The following STRN variants were observed in gnomAD, a reference collection of about 807,000 sequenced individuals.
The protein encoded by STRN is striatin, also known as protein phosphatase 2 regulatory subunit B'''alpha.
In STRN, 53 loss-of-function variants were observed where a neutral mutation model predicts 96.3. That is an observed-to-expected ratio of 0.55 (90% confidence interval 0.44 to 0.69). The LOEUF is 0.69. Ranked by LOEUF, STRN falls within the 30% of genes least tolerant of loss-of-function variation. The probability of loss-of-function intolerance (pLI) is 0.00; values close to 1 mark genes in which losing one functional copy is unlikely to be tolerated. For synonymous variants in STRN, 428 were observed against 355.9 expected, an observed-to-expected ratio of 1.20 and a Z score of -2.28; for missense variants, 987 against 963.9, an observed-to-expected ratio of 1.02 and a Z score of -0.32.
At chr2:36,921,798 C>T (rs184515993) in intron 2 of STRN, among the ~76,000 whole-genome samples, 1 of 152,008 alleles carries the variant, frequency 6.6e-6, no homozygotes, top group African/African-American at 2.4e-5. Flanking sequence ...TTCCAGTCCA[C>T]CCCCACACTG....
intron 3 of STRN, among the ~76,000 whole-genome samples, chr2:36,910,452 A>G (rs1326734736): frequency 6.6e-6 from 1 of 152,208 alleles, no homozygotes; most frequent in Non-Finnish European, 1.5e-5. Context: ...ACAATAGCAC[A>G]AAGACTGGGA....
At chr2:36,908,357 C>G (rs80126504) in intron 3 of STRN, among the ~76,000 whole-genome samples, 2,496 of 152,164 alleles carry the variant, frequency 0.016, 70 homozygotes, top group African/African-American at 0.057. Context: ...TCAAGAAGAA[C>G]AAGGAATGAA....
intron 13 of STRN, among the ~76,000 whole-genome samples, chr2:36,858,849 AACAG>A (rs1318221223): frequency 1.3e-5 from 2 of 152,226 alleles, no homozygotes; most frequent in African/African-American, 2.4e-5. Flanking sequence ...CCCAGTCCTC[AACAG>A]ACAATGTTGA....
At chr2:36,888,826 G>A (rs1283418391) in intron 7 of STRN, among the ~76,000 whole-genome samples, 1 of 151,996 alleles carries the variant, frequency 6.6e-6, no homozygotes, top group African/African-American at 2.4e-5. Flanking sequence ...GACAACAGGT[G>A]TGTACCACCA....
intron 13 of STRN, among the ~76,000 whole-genome samples, chr2:36,860,548 A>C (rs1420459722): frequency 1.3e-5 from 2 of 152,242 alleles, no homozygotes; most frequent in African/African-American, 4.8e-5. Context: ...CTTAACAGAA[A>C]ACCAAAATAC....
chr2:36,858,095 A>G, intron 13 of STRN, 72 bp from the exon 14 acceptor site: 1 of 1,315,980 alleles, frequency 7.6e-7, no homozygotes, highest in Non-Finnish European at 1.0e-6. Flanking sequence ...CAGAGAAAGT[A>G]AAATATATAA....
At chr2:36,956,259 C>A (rs1416901229) in intron 1 of STRN, among the ~76,000 whole-genome samples, 4 of 152,214 alleles carry the variant, frequency 2.6e-5, no homozygotes, top group South Asian at 2.1e-4. Context: ...AAACCACTTA[C>A]TGGACACCCA....
intron 1 of STRN, among the ~76,000 whole-genome samples, chr2:36,955,547 T>C (rs918367313): frequency 2.0e-5 from 3 of 152,188 alleles, no homozygotes; most frequent in East Asian, 1.9e-4. Context: ...GCCTCTGCTC[T>C]TTCCACCCCT....
At position 36,939,307 on chromosome 2, in the gene STRN, C is replaced by G. The variant is rs1199435619; in HGVS notation, c.235-14099G>C. On this transcript the variant is annotated intron_variant, in intron 1 of 17. Transcript: ENST00000263918. ...TTTTTCCGAAGCCACTCAGGGATCTCCCGTTGCTTTTACAGACCAATTACC... is the reference window on the plus strand; with the variant it reads ...TTTTTCCGAAGCCACTCAGGGATCTGCCGTTGCTTTTACAGACCAATTACC... 3.3e-5 allele frequency among the ~76,000 whole-genome samples: 5 copies of G among 152,092 alleles called. No individual in the cohort carries two copies. The East Asian group carries it at 5.8e-4, about 18-fold the overall frequency.
chr2:36,904,809 C>G (rs1434997477), intron 4 of STRN, among the ~76,000 whole-genome samples: 1 of 152,070 alleles, frequency 6.6e-6, no homozygotes, highest in Non-Finnish European at 1.5e-5. Flanking sequence ...GCCTGAGCGA[C>G]AGAGTGAGAC....
Position 36,843,358 on chromosome 2 carries a change from G to T in STRN, c.*6098C>A, listed in dbSNP as rs1667992833. 6.6e-6 allele frequency among the ~76,000 whole-genome samples: 1 copy of T among 152,148 alleles called. No individual in the cohort carries two copies. Among genetic ancestry groups the T allele is most frequent in the African/African-American group, 2.4e-5 (1 of 41,436 alleles). ...AGGCCTTGAAAAATAATGTTGATTT[G>T]AAGGGGCAGGGAGTGTGGAAGGCTT... On this transcript the variant is annotated 3_prime_UTR_variant, in exon 18 of 18. Transcript: ENST00000263918.
At chr2:36,860,351 T>C (rs1186624070) in intron 13 of STRN, among the ~76,000 whole-genome samples, 2 of 152,138 alleles carry the variant, frequency 1.3e-5, no homozygotes. Context: ...AGATAACTTA[T>C]AAGAGAATTA....
chr2:36,958,437 G>C (rs1042473477), intron 1 of STRN, among the ~76,000 whole-genome samples: 3 of 152,138 alleles, frequency 2.0e-5, no homozygotes, highest in Non-Finnish European at 4.4e-5. Flanking sequence ...GCAGAGAACA[G>C]AACAATATTT....
In STRN at chr2:36,845,884, AACACACACACACACACAC is replaced by A. The variant is rs10539790; in HGVS notation, c.*3554_*3571del. 1 of 120,830 alleles carries A rather than the reference AACACACACACACACACAC, an allele frequency of 8.3e-6. No individual in the cohort carries two copies. The highest frequency in any genetic ancestry group is 1.7e-5 in the Non-Finnish European group (1 of 57,718). 7.5% of individuals were successfully genotyped at this position (120,830 alleles called of 1,614,324 possible). On this transcript the variant is annotated 3_prime_UTR_variant, in exon 18 of 18. Coordinates refer to ENST00000263918, the MANE Select transcript of STRN (RefSeq NM_003162.4). The stretch of plus-strand genomic sequence containing the variant: ...AAATCAGGACCTTCACAGATTGGTA[AACACACACACACACACAC>A]ACACGCATGCATGCACACACACACA...
intron 15 of STRN, among the ~76,000 whole-genome samples, chr2:36,851,632 T>C (rs1306030116): frequency 6.6e-6 from 1 of 152,250 alleles, no homozygotes; most frequent in African/African-American, 2.4e-5. Context: ...AAATTACAAT[T>C]TCCTGCTATA....
At chr2:36,861,008 A>G (rs1668465804) in intron 13 of STRN, 124 bp downstream of exon 13, 1 of 1,166,546 alleles carries the variant, frequency 8.6e-7, no homozygotes, top group South Asian at 1.8e-5. Context: ...TTAACAAAAT[A>G]AAGATGTGGT....
intron 9 of STRN, among the ~76,000 whole-genome samples, chr2:36,880,025 G>C (rs1387911629): frequency 1.3e-5 from 2 of 151,960 alleles, no homozygotes; most frequent in South Asian, 4.2e-4. Context: ...GGAGTGCAGT[G>C]GTGTGATCTC....
At position 36,844,951 on chromosome 2, in the gene STRN, G is replaced by A. The variant is rs1038062771; in HGVS notation, c.*4505C>T. ...CATATTTTTCGTCAGCTACTACTTT[G>A]TATACAACCTGAATCCCAGTGTCCA... is the stretch of plus-strand genomic sequence containing the variant. On this transcript the variant is annotated 3_prime_UTR_variant, in exon 18 of 18. Transcript: ENST00000263918. 6 of 152,018 alleles carry A rather than the reference G, an allele frequency of 3.9e-5. No individual in the cohort carries two copies. The highest frequency in any genetic ancestry group is 1.4e-4 in the African/African-American group (6 of 41,388). The allele number at this position is 152,018 out of a possible 1,614,324, so 9.4% of individuals were successfully genotyped here. A position where few individuals can be genotyped will look rare whatever the true frequency, so the allele number is the denominator to read the frequency against.
At chr2:36,899,492 A>G (rs749525666) in intron 6 of STRN, 31 bp downstream of exon 6, 1 of 1,588,546 alleles carries the variant, frequency 6.3e-7, no homozygotes, top group Admixed American at 1.9e-5. Flanking sequence ...GTCCCTAAAA[A>G]TATTTATATT....
Sources: allele counts gnomAD v4.1 joint callset (sites outside exome capture counted in the v4.1 genomes callset), GRCh38; gene constraint gnomAD v4.1.1; transcripts MANE v1.5; gene names NCBI Gene and HGNC (gene_info 2026-07-23, HGNC 2026-07-21).